The following KNL1 variants were observed in gnomAD, a reference collection of about 807,000 sequenced individuals.
KNL1 encodes the protein outer kinetochore KNL1 complex subunit KNL1.
In KNL1, 66 loss-of-function variants were observed where a neutral mutation model predicts 201.3. The observed-to-expected ratio is 0.33, with a 90% CI of 0.27 to 0.40. The LOEUF is 0.40. Among genes scored for constraint, KNL1 ranks in the 10% least tolerant of loss-of-function variants. The pLI is 1.00. For synonymous variants in KNL1, 895 were observed against 899.2 expected (o/e 1.00, Z 0.08); for missense variants, 2,815 against 2,690.5 (o/e 1.05, Z -1.02).
Position 40,623,017 on chromosome 15 carries a change from G to C in KNL1, c.2753G>C (p.Arg918Thr). The change falls in exon 10 of 26, where the codon AGA becomes ACA. Residue 918 changes from arginine to threonine, a missense_variant. Physicochemically the swap from Arg to Thr is moderately conservative, Grantham distance 71. Transcript: ENST00000399668. Reference sequence around the variant, plus strand: ...AGGCAGGATGACATGGAGATCACTAGAAGTCACACAACTGCCTTAGAATGT... The same window carrying C: ...AGGCAGGATGACATGGAGATCACTACAAGTCACACAACTGCCTTAGAATGT... ...TCRQDDMEIT[R>T]SHTTALECKT... The C allele has an allele frequency of 6.2e-7, 1 of 1,613,950 alleles. No homozygotes were observed. The highest frequency in any genetic ancestry group is 1.7e-5 in the Admixed American group (1 of 60,010).
intron 21 of KNL1, 28 bp from the exon 22 acceptor site, chr15:40,654,881 T>A (rs946513815): frequency 5.0e-6 from 8 of 1,590,178 alleles, no homozygotes; most frequent in Non-Finnish European, 6.9e-6. Context: ...AAAAAATTTT[T>A]AAAAATCATT....
intron 22 of KNL1, 131 bp downstream of exon 22, chr15:40,655,108 A>C: frequency 1.6e-6 from 1 of 614,254 alleles, no homozygotes; most frequent in Non-Finnish European, 2.8e-6. Context: ...GACCAGCCTG[A>C]CTAACATGGT....
chr15:40,639,642 CAT>C (rs1893162544), intron 13 of KNL1, among the ~76,000 whole-genome samples: 1 of 151,336 alleles, frequency 6.6e-6, no homozygotes, highest in Non-Finnish European at 1.5e-5. Context: ...TGGTGGCTCA[CAT>C]GCACCTGTAG....
At chr15:40,629,000 C>A (rs980863127) in intron 12 of KNL1, among the ~76,000 whole-genome samples, 1 of 151,844 alleles carries the variant, frequency 6.6e-6, no homozygotes, top group African/African-American at 2.4e-5. Context: ...ACAACTGTAC[C>A]CCAGGCTGGG....
At chr15:40,598,821 C>T (rs773184306) in intron 1 of KNL1, among the ~76,000 whole-genome samples, 4 of 151,978 alleles carry the variant, frequency 2.6e-5, no homozygotes, top group Admixed American at 6.6e-5. Context: ...AATTTGTTTT[C>T]GAGACAGGGT....
intron 5 of KNL1, among the ~76,000 whole-genome samples, chr15:40,609,237 A>G (rs1892076597): frequency 7.0e-6 from 1 of 142,806 alleles, no homozygotes; most frequent in South Asian, 2.3e-4. Flanking sequence ...GCGAGATCCC[A>G]TCTCTACAAA....
intron 22 of KNL1, among the ~76,000 whole-genome samples, chr15:40,656,707 G>A (rs1452393235): frequency 6.6e-6 from 1 of 151,954 alleles, no homozygotes; most frequent in African/African-American, 2.4e-5. Context: ...CCAAAATGGT[G>A]AAGCCCCCTC....
In KNL1 at chr15:40,645,156, G is replaced by T. The variant is rs1323402437; in HGVS notation, c.5889+69G>T. On this transcript the variant is annotated intron_variant, in intron 15 of 25. Transcript: ENST00000399668. ...CTGAACGATGTTTATTGTGAAATGAGTAACTGTTACTTGGTCATAGTGATG... is the reference window on the plus strand; with the variant it reads ...CTGAACGATGTTTATTGTGAAATGATTAACTGTTACTTGGTCATAGTGATG... The T allele has an allele frequency of 3.8e-6, 4 of 1,049,820 alleles. No individual in the cohort carries two copies. In the African/African-American group the frequency reaches 6.3e-5, roughly 17 times the overall value. 65.0% of individuals were successfully genotyped at this position (1,049,820 alleles called of 1,614,324 possible). A position where few individuals can be genotyped will look rare whatever the true frequency, so the allele number is the denominator to read the frequency against.
chr15:40,651,366 G>A, intron 19 of KNL1, 105 bp from the exon 20 acceptor site: 1 of 529,420 alleles, frequency 1.9e-6, no homozygotes, highest in Non-Finnish European at 3.2e-6. Flanking sequence ...TTACCTCAAT[G>A]GGGAGTCATG....
chr15:40,628,134 T>A lies in KNL1; in HGVS notation c.5441T>A (p.Leu1814Gln). 1 of 1,613,184 alleles carries A rather than the reference T, an allele frequency of 6.2e-7. No individual in the cohort carries two copies. The highest frequency in any genetic ancestry group is 8.5e-7 in the Non-Finnish European group (1 of 1,179,658). The change falls in exon 11 of 26, where the codon CTG (leucine) becomes CAG (glutamine). Residue 1814 changes from leucine (L) to glutamine (Q), a missense_variant. This residue lies in a region of KNL1 where 2,464 missense variants were observed against 2,291.7 expected (regional missense o/e 1.08). Coordinates refer to ENST00000399668, the MANE Select transcript of KNL1 (RefSeq NM_144508.5). Reference protein sequence around the residue: ...KSANSVLIKNLSRTPSSCSSS... With the variant: ...KSANSVLIKNQSRTPSSCSSS... ...GCTAACAGTGTATTGATAAAAAACC[T>A]GAGCAGGACCCCATCTAGTTGCAGC...
At chr15:40,641,391 T>G (rs1381958428) in intron 14 of KNL1, among the ~76,000 whole-genome samples, 1 of 152,222 alleles carries the variant, frequency 6.6e-6, no homozygotes, top group Non-Finnish European at 1.5e-5. Flanking sequence ...ATTTTTAGAT[T>G]ATGATATCAT....
chr15:40,613,466 C>T (rs565792531), intron 7 of KNL1, among the ~76,000 whole-genome samples: 3 of 145,870 alleles, frequency 2.1e-5, no homozygotes, highest in Non-Finnish European at 4.4e-5. Flanking sequence ...ATTGTTGAAA[C>T]GAAGAAATGG....
At chr15:40,599,419 T>C (rs145570988) in intron 1 of KNL1, among the ~76,000 whole-genome samples, 1 of 151,096 alleles carries the variant, frequency 6.6e-6, no homozygotes, top group Non-Finnish European at 1.5e-5. Flanking sequence ...GGTCTTTCTC[T>C]GTTGCCCAGG....
chr15:40,614,300 G>A (rs1340560021), intron 7 of KNL1, among the ~76,000 whole-genome samples: 2 of 151,984 alleles, frequency 1.3e-5, no homozygotes, highest in South Asian at 2.1e-4. Context: ...GTTTCACCAC[G>A]TTGGCCAGGC....
chr15:40,620,770 C>CTA lies in KNL1; in HGVS notation c.506_507insTA (p.Ile170ThrfsTer2). ...ATTACCAAAGGCCTTTTAGATAATC[C>CTA]CATAAGTGAAAAGTCCACCAAGATA... is the stretch of plus-strand genomic sequence containing the variant. On this transcript the variant is annotated frameshift_variant, in exon 10 of 26. Transcript: ENST00000399668. LOFTEE classifies it high-confidence loss of function. 1 of 1,612,458 alleles carries CTA rather than the reference C, an allele frequency of 6.2e-7. No homozygotes were observed. Among genetic ancestry groups the CTA allele is most frequent in the Non-Finnish European group, 8.5e-7 (1 of 1,179,248 alleles).
At position 40,611,257 on chromosome 15, in the gene KNL1, C is replaced by T. The variant is rs370308962; in HGVS notation, c.251-221C>T. On this transcript the variant is annotated intron_variant, in intron 6 of 25. Coordinates refer to ENST00000399668, the MANE Select transcript of KNL1 (RefSeq NM_144508.5). ...CTGAGTAGCTGGGATTACATGTGCA[C>T]GCCACCACACCTGGCTAATTTTTGT... Among the ~76,000 whole-genome samples the T allele has an allele frequency of 2.7e-4, 41 of 151,876 alleles. No individual in the cohort carries two copies. The South Asian group carries it at 8.1e-3, about 30-fold the overall frequency.
In KNL1 at chr15:40,623,136, C is replaced by T. The variant is rs1892604674; in HGVS notation, c.2872C>T (p.His958Tyr). ...TGTTGAACTAGAAATGACAGAGTCCCATACTGTTTTCATTGACTACCAAGA... is the reference window on the plus strand; with the variant it reads ...TGTTGAACTAGAAATGACAGAGTCCTATACTGTTTTCATTGACTACCAAGA... The part of the protein sequence containing the change: ...NHVELEMTES[H>Y]TVFIDYQEKE... Residue 958 changes from histidine to tyrosine, a missense_variant, in exon 10 of 26, where the codon CAT (histidine) becomes TAT (tyrosine). His to Tyr is a moderately conservative substitution (Grantham distance 83, BLOSUM62 2). Coordinates refer to ENST00000399668, the MANE Select transcript of KNL1 (RefSeq NM_144508.5). 1.2e-6 allele frequency: 2 copies of T among 1,613,860 alleles called. No individual in the cohort carries two copies. The highest frequency in any genetic ancestry group is 2.7e-5 in the African/African-American group (2 of 75,022).
rs1017174785 is a variant in KNL1 at position 40,645,703 on chromosome 15, C to T, written c.5937C>T (p.Thr1979=). ...IYLNKIKSCF[T]KMTKVFTHQG... ...TTAACAAAATAAAGTCATGTTTTAC[C>T]AAGATGACTAAAGTCTTCACTCACC... Residue 1979 remains threonine (T), a synonymous_variant, in exon 16 of 26, where the codon ACC becomes ACT. Transcript: ENST00000399668. The T allele has an allele frequency of 1.2e-6, 2 of 1,609,496 alleles. No homozygotes were observed. The highest frequency in any genetic ancestry group is 1.7e-5 in the Admixed American group (1 of 58,904).
intron 16 of KNL1, among the ~76,000 whole-genome samples, chr15:40,646,350 G>T (rs1893382417): frequency 6.6e-6 from 1 of 151,692 alleles, no homozygotes. Flanking sequence ...GTATTCCATG[G>T]AACACCTATA....
Sources: gnomAD v4.1 joint callset for allele counts (sites outside exome capture counted in the v4.1 genomes callset) on GRCh38, gnomAD v4.1.1 for gene constraint, gnomAD v4.1.1 regional missense constraint, MANE v1.5 for transcripts, NCBI Gene and HGNC (gene_info 2026-07-23, HGNC 2026-07-21) for gene names.